Variants in C12orf76 observed in about 807,000 individuals in gnomAD.
The protein encoded by C12orf76 is chromosome 12 open reading frame 76, also known as uncharacterized protein C12orf76.
Under a neutral mutation model 6.8 loss-of-function variants are expected in C12orf76, and 6 were observed. The ratio of observed to expected loss-of-function variants is 0.88; its 90% CI spans 0.48 to 1.73. The LOEUF (loss-of-function observed/expected upper bound fraction) is 1.73, where lower values mean the gene tolerates loss of function less well. Among genes scored for constraint, C12orf76 ranks in the 40% most tolerant of loss-of-function variants. The pLI is 0.01. For missense variants in C12orf76, 99 were observed against 98.2 expected, an observed-to-expected ratio of 1.01 and a Z score of -0.03; for synonymous variants, 56 against 43.7, an observed-to-expected ratio of 1.28 and a Z score of -1.11.
Position 110,054,292 on chromosome 12 carries a change from C to T in C12orf76, n.664+2897G>A, listed in dbSNP as rs1464846771. On this transcript the variant is annotated intron_variant and non_coding_transcript_variant, in intron 4 of 4. Coordinates refer to the C12orf76 transcript ENST00000309050. The surrounding 1 kb of genome is among the most constrained non-coding windows in gnomAD (Gnocchi z 4.4). ...GCATAGCAGCACTATTCACATAACC[C>T]AAATGTTCATCTATGGATGAATGGA... 6.6e-6 allele frequency among the ~76,000 whole-genome samples: 1 copy of T among 152,090 alleles called. No individual in the cohort carries two copies. The highest frequency in any genetic ancestry group is 1.5e-5 in the Non-Finnish European group (1 of 68,024).
chr12:110,051,496 G>A (rs372255440), upstream of C12orf76, among the ~76,000 whole-genome samples: 78 of 150,518 alleles, frequency 5.2e-4, 1 homozygote, highest in East Asian at 0.012. Context: ...GTGTGATCTC[G>A]GCTCACTGCA....
Position 110,059,882 on chromosome 12 carries a change from A to G in C12orf76, n.381-719T>C, listed in dbSNP as rs142886462. 5.9e-5 allele frequency among the ~76,000 whole-genome samples: 9 copies of G among 152,282 alleles called. No individual in the cohort carries two copies. In the East Asian group the frequency reaches 1.7e-3, roughly 29 times the overall value. Reference sequence around the variant, plus strand: ...AAGCAAAGGTGAAAGTTACAGGGGGAAAGATTTTGGCTCATTTTCTCAGGA... The same window carrying G: ...AAGCAAAGGTGAAAGTTACAGGGGGGAAGATTTTGGCTCATTTTCTCAGGA... On this transcript the variant is annotated intron_variant and non_coding_transcript_variant, in intron 2 of 4. Transcript: ENST00000309050.
chr12:110,053,259 G>A (rs1269504082), upstream of C12orf76, among the ~76,000 whole-genome samples: 1 of 152,110 alleles, frequency 6.6e-6, no homozygotes, highest in Non-Finnish European at 1.5e-5. Context: ...AGCACCTTGG[G>A]AGGCCGAGGT....
chr12:110,042,560 C>G (rs1416597155), intron 1 of C12orf76, 101 bp from the exon 2 acceptor site: 1 of 768,000 alleles, frequency 1.3e-6, no homozygotes, highest in Non-Finnish European at 2.3e-6. Flanking sequence ...CTGCCAGGCA[C>G]TATGTCAAGT....
At chr12:110,049,199 G>C (rs1024930117), upstream of C12orf76, 4 of 152,224 alleles carry the variant, frequency 2.6e-5, no homozygotes, top group Non-Finnish European at 4.4e-5. Flanking sequence ...TTTATACTCA[G>C]TACCTGTTTT....
upstream of C12orf76, among the ~76,000 whole-genome samples, chr12:110,071,800 C>T (rs371827516): frequency 7.3e-4 from 111 of 152,170 alleles, no homozygotes; most frequent in African/African-American, 2.6e-3. Context: ...ATTAAAAAGA[C>T]AGACAATAAC....
chr12:110,055,976 G>A (rs1892659196), intron 4 of C12orf76, among the ~76,000 whole-genome samples: 1 of 152,022 alleles, frequency 6.6e-6, no homozygotes, highest in Non-Finnish European at 1.5e-5. Flanking sequence ...GGGAGGCTGA[G>A]GCAGGAAAAT....
upstream of C12orf76, chr12:110,049,936 C>G (rs1452505423): frequency 6.6e-6 from 1 of 152,216 alleles, no homozygotes; most frequent in African/African-American, 2.4e-5. Context: ...TCAAATCAAT[C>G]ACGACCCTTT....
chr12:110,068,247 A>AAAG (rs4042063), upstream of C12orf76, among the ~76,000 whole-genome samples: 3,249 of 63,514 alleles, frequency 0.051, 574 homozygotes, highest in East Asian at 0.076. Flanking sequence ...GAAGAAGAAG[A>AAAG]AAGAAGAAGA....
chr12:110,047,861 T>C (rs1281256573), intron 1 of C12orf76, among the ~76,000 whole-genome samples: 1 of 152,108 alleles, frequency 6.6e-6, no homozygotes, highest in East Asian at 1.9e-4. Context: ...GTGGGGTAAA[T>C]GATGTGCCTT....
In C12orf76 at chr12:110,063,300, T is replaced by C. The variant is rs1892805758; in HGVS notation, n.380+2560A>G. 2.0e-5 allele frequency among the ~76,000 whole-genome samples: 3 copies of C among 152,092 alleles called. No individual in the cohort carries two copies. The South Asian group carries it at 6.2e-4, about 32-fold the overall frequency. Reference sequence around the variant, plus strand: ...TATTTTTATTTATTTTTTATTGTTTTGAGACGAAGTTTTGCTCTCATCACC... The same window carrying C: ...TATTTTTATTTATTTTTTATTGTTTCGAGACGAAGTTTTGCTCTCATCACC... On this transcript the variant is annotated intron_variant and non_coding_transcript_variant, in intron 2 of 4. Coordinates refer to the C12orf76 transcript ENST00000309050.
exon 1 of C12orf76, chr12:110,073,531 A>C (rs1892986570): frequency 5.8e-6 from 3 of 519,070 alleles, no homozygotes; most frequent in African/African-American, 5.8e-5. Context: ...CTGCAGCTGC[A>C]GCAGGCTGGC....
chr12:110,072,230 C>A (rs1412111552), upstream of C12orf76, among the ~76,000 whole-genome samples: 1 of 150,258 alleles, frequency 6.7e-6, no homozygotes, highest in Non-Finnish European at 1.5e-5. Flanking sequence ...AGTTTGAGAC[C>A]AACCTGGGCA....
upstream of C12orf76, among the ~76,000 whole-genome samples, chr12:110,052,973 T>C (rs919270641): frequency 1.3e-5 from 2 of 151,852 alleles, no homozygotes; most frequent in Non-Finnish European, 2.9e-5. Flanking sequence ...GAGGCCAAGG[T>C]GGGCGGATCA....
chr12:110,065,117 T>G (rs1892836263), intron 2 of C12orf76, among the ~76,000 whole-genome samples: 1 of 151,842 alleles, frequency 6.6e-6, no homozygotes, highest in African/African-American at 2.4e-5. Context: ...ATTATTATTT[T>G]TATTATATAT....
chr12:110,060,643 T>C, intron 2 of C12orf76, among the ~76,000 whole-genome samples: 1 of 152,172 alleles, frequency 6.6e-6, no homozygotes, highest in East Asian at 1.9e-4. Flanking sequence ...CCGGGGTCGG[T>C]TCTAGGCCCT....
At chr12:110,043,297 A>G (rs1342492487) in intron 1 of C12orf76, among the ~76,000 whole-genome samples, 1 of 152,066 alleles carries the variant, frequency 6.6e-6, no homozygotes, top group Non-Finnish European at 1.5e-5. Context: ...GACCATGAAG[A>G]AAACACGGAT....
intron 1 of C12orf76, among the ~76,000 whole-genome samples, chr12:110,066,634 G>A (rs1892869203): frequency 6.6e-6 from 1 of 152,018 alleles, no homozygotes; most frequent in African/African-American, 2.4e-5. Flanking sequence ...GTTGCCGTGA[G>A]CCAAGATCGC....
At chr12:110,048,113 A>AT (rs1351895041) in intron 1 of C12orf76, among the ~76,000 whole-genome samples, 1 of 152,170 alleles carries the variant, frequency 6.6e-6, no homozygotes, top group Non-Finnish European at 1.5e-5. Flanking sequence ...AGGCAGGAGA[A>AT]TTGCTTGAAC....
Sources: allele counts gnomAD v4.1 joint callset (sites outside exome capture counted in the v4.1 genomes callset), GRCh38; gene constraint gnomAD v4.1.1; non-coding constraint Gnocchi (gnomAD v3.1); transcripts MANE v1.5; gene names NCBI Gene and HGNC (gene_info 2026-07-23, HGNC 2026-07-21).